ZNF385B: variants seen among roughly 807,000 people sequenced by gnomAD.
ZNF385B encodes zinc finger protein 385B.
ZNF385B carries 23 observed loss-of-function variants against 39.2 expected under a neutral mutation model. That is an observed-to-expected ratio of 0.59 (90% CI 0.42 to 0.83). The LOEUF (loss-of-function observed/expected upper bound fraction) is 0.83, where lower values mean the gene tolerates loss of function less well. Among genes scored for constraint, ZNF385B ranks in the 40% least tolerant of loss-of-function variants. The pLI is 0.00. For missense variants in ZNF385B, 552 were observed against 598.9 expected, an observed-to-expected ratio of 0.92 and a Z score of 0.82; for synonymous variants, 205 against 222.6, an observed-to-expected ratio of 0.92 and a Z score of 0.70.
chr2:179,704,251 AAAT>A (rs1179668360), intron 3 of ZNF385B, among the ~76,000 whole-genome samples: 2 of 152,210 alleles, frequency 1.3e-5, no homozygotes, highest in Non-Finnish European at 2.9e-5. Context: ...CACTGTTAGA[AAAT>A]AATAAATTTT....
intron 3 of ZNF385B, among the ~76,000 whole-genome samples, chr2:179,612,271 A>G (rs1606814): frequency 0.33 from 50,048 of 151,668 alleles, 8,541 homozygotes; most frequent in Middle Eastern, 0.46. Context: ...GGATGGCCTT[A>G]ATGCGTGTGG....
At chr2:179,518,814 CAA>C (rs74563033) in intron 4 of ZNF385B, among the ~76,000 whole-genome samples, 176 bp from the exon 5 acceptor site, 19,553 of 151,892 alleles carry the variant, frequency 0.13, 1,676 homozygotes, top group East Asian at 0.36. Context: ...AAAACAAAAA[CAA>C]ATGACAAAAA....
intron 3 of ZNF385B, among the ~76,000 whole-genome samples, chr2:179,688,913 A>G (rs1419877591): frequency 2.0e-5 from 3 of 152,210 alleles, no homozygotes; most frequent in African/African-American, 7.2e-5. Context: ...AAAATATATT[A>G]TCATTCTGAA....
intron 3 of ZNF385B, among the ~76,000 whole-genome samples, chr2:179,684,187 T>C (rs1028399469): frequency 9.9e-5 from 15 of 152,192 alleles, no homozygotes; most frequent in African/African-American, 3.6e-4. Context: ...ATAAAGAATA[T>C]CAGTGACTAT....
intron 1 of ZNF385B, among the ~76,000 whole-genome samples, chr2:179,818,895 G>C (rs11892974): frequency 0.034 from 5,137 of 152,198 alleles, 109 homozygotes; most frequent in African/African-American, 0.067. Flanking sequence ...CTCTTCCCCA[G>C]AGTGCCAGTT....
At chr2:179,476,090 G>A (rs553981187) in intron 6 of ZNF385B, among the ~76,000 whole-genome samples, 14 of 147,212 alleles carry the variant, frequency 9.5e-5, no homozygotes, top group African/African-American at 3.5e-4. Flanking sequence ...CTCGCACACA[G>A]AATATACACG....
At chr2:179,530,529 C>T (rs1231101690) in intron 4 of ZNF385B, among the ~76,000 whole-genome samples, 2 of 152,164 alleles carry the variant, frequency 1.3e-5, no homozygotes, top group Non-Finnish European at 1.5e-5. Context: ...AACTGACATC[C>T]TTTCAAAACC....
At chr2:179,715,881 T>G (rs970381860) in intron 3 of ZNF385B, among the ~76,000 whole-genome samples, 1 of 152,198 alleles carries the variant, frequency 6.6e-6, no homozygotes, top group African/African-American at 2.4e-5. Context: ...TTGTTAAATT[T>G]TGCTTTTATT....
intron 3 of ZNF385B, among the ~76,000 whole-genome samples, chr2:179,757,312 G>A (rs550276436): frequency 2.6e-5 from 4 of 152,222 alleles, no homozygotes; most frequent in Admixed American, 6.5e-5. Flanking sequence ...CTGCCTGATC[G>A]TTCCTCTGGA....
At chr2:179,828,972 G>A (rs1707826199) in intron 1 of ZNF385B, among the ~76,000 whole-genome samples, 1 of 151,730 alleles carries the variant, frequency 6.6e-6, no homozygotes, top group African/African-American at 2.4e-5. Context: ...AAGAAAGGAA[G>A]CCAGGTTCAT....
At chr2:179,571,348 G>C (rs2105997219) in intron 3 of ZNF385B, among the ~76,000 whole-genome samples, 1 of 152,314 alleles carries the variant, frequency 6.6e-6, no homozygotes, top group Non-Finnish European at 1.5e-5. Flanking sequence ...GATGATGACA[G>C]CACTGTGATC....
intron 3 of ZNF385B, among the ~76,000 whole-genome samples, chr2:179,610,033 T>A (rs567783019): frequency 2.1e-4 from 32 of 152,320 alleles, no homozygotes; most frequent in South Asian, 4.1e-4. Flanking sequence ...TTGTTGATTG[T>A]TTGCTTTGCT....
intron 6 of ZNF385B, among the ~76,000 whole-genome samples, chr2:179,477,562 A>T (rs2053562416): frequency 6.6e-6 from 1 of 152,166 alleles, no homozygotes; most frequent in Admixed American, 6.5e-5. Flanking sequence ...AAATGATTCA[A>T]AATGCATTGA....
chr2:179,769,643 A>G lies in ZNF385B; in HGVS notation c.158T>C (p.Val53Ala). Residue 53 changes from valine to alanine, a missense_variant, in exon 3 of 10, where the codon GTG (valine) becomes GCG (alanine). Val to Ala is a moderately conservative substitution (Grantham distance 64). Transcript: ENST00000410066. ...KKKILFSFCE[V>A]CNIQLNSAAQ... The stretch of plus-strand genomic sequence containing the variant: ...TGCAGAGTTCAGCTGGATGTTGCAC[A>G]CCTCACAGAAGGAGAAAAGAATTTT... The G allele has an allele frequency of 6.2e-7, 1 of 1,614,046 alleles. No homozygotes were observed. Among genetic ancestry groups the G allele is most frequent in the African/African-American group, 1.3e-5 (1 of 74,984 alleles).
rs2059600082 is a variant in ZNF385B, at chr2:179,536,924, A to G, written c.441+7903T>C. On this transcript the variant is annotated intron_variant, in intron 4 of 9. Coordinates refer to ENST00000410066, the MANE Select transcript of ZNF385B (RefSeq NM_152520.6). ...TCAAGAGTAAGTAGAGAAGAGGGAG[A>G]TTTGAAAACAAAGCCCTTAGTAAGA... 3.9e-5 allele frequency among the ~76,000 whole-genome samples: 6 copies of G among 152,192 alleles called. No homozygotes were observed. In the South Asian group the frequency reaches 1.2e-3, roughly 31 times the overall value.
intron 1 of ZNF385B, among the ~76,000 whole-genome samples, chr2:179,811,913 T>C (rs1262384754): frequency 6.6e-6 from 1 of 152,048 alleles, no homozygotes; most frequent in East Asian, 1.9e-4. Flanking sequence ...CTGACAAATG[T>C]CTAATATCCA....
chr2:179,792,540 AT>A (rs1213068061), intron 1 of ZNF385B, among the ~76,000 whole-genome samples: 1 of 150,582 alleles, frequency 6.6e-6, no homozygotes, highest in East Asian at 2.0e-4. Context: ...TGCCTGGCTA[AT>A]TTTTTGTATT....
At chr2:179,700,043 A>T (rs1469451557) in intron 3 of ZNF385B, among the ~76,000 whole-genome samples, 3 of 109,894 alleles carry the variant, frequency 2.7e-5, no homozygotes. Context: ...TTTTCAAAAC[A>T]TACACAAACA....
At chr2:179,813,811 T>C (rs1706886169) in intron 1 of ZNF385B, among the ~76,000 whole-genome samples, 1 of 152,118 alleles carries the variant, frequency 6.6e-6, no homozygotes, top group Admixed American at 6.6e-5. Flanking sequence ...AATCTGGCAA[T>C]AGCAAACAAG....
Sources: allele counts gnomAD v4.1 joint callset (sites outside exome capture counted in the v4.1 genomes callset), GRCh38; gene constraint gnomAD v4.1.1; transcripts MANE v1.5; gene names NCBI Gene and HGNC (gene_info 2026-07-23, HGNC 2026-07-21).